The following KIAA0232 variants were observed in gnomAD, a reference collection of about 807,000 sequenced individuals.
KIAA0232 encodes the protein KIAA0232, also known as uncharacterized protein KIAA0232.
Under a neutral mutation model 122.0 loss-of-function variants are expected in KIAA0232, and 27 were observed. That is an observed-to-expected ratio of 0.22 (90% CI 0.16 to 0.31). The LOEUF (loss-of-function observed/expected upper bound fraction) is 0.31, where lower values mean the gene tolerates loss of function less well. Ranked by LOEUF, KIAA0232 falls within the 10% of genes least tolerant of loss-of-function variation. The probability of loss-of-function intolerance (pLI) is 1.00; values close to 1 mark genes in which losing one functional copy is unlikely to be tolerated. For synonymous variants in KIAA0232, 613 were observed against 587.6 expected, an observed-to-expected ratio of 1.04 and a Z score of -0.63; for missense variants, 1,551 against 1,634.2, an observed-to-expected ratio of 0.95 and a Z score of 0.88.
intron 1 of KIAA0232, among the ~76,000 whole-genome samples, chr4:6,785,723 C>T (rs1047846170): frequency 7.2e-5 from 11 of 152,298 alleles, no homozygotes; most frequent in South Asian, 2.1e-4. Context: ...TCTAAGACTG[C>T]CTGTGGTTTG....
In KIAA0232 at chr4:6,842,105, T is replaced by G; in HGVS notation, c.270T>G (p.Tyr90Ter). ...TCCTGGGCTGGGAAAAAGGAGCTTATAAGAAATGGGGAAAGAGTAAGAAAA... is the reference window on the plus strand; with the variant it reads ...TCCTGGGCTGGGAAAAAGGAGCTTAGAAGAAATGGGGAAAGAGTAAGAAAA... ...DIFLGWEKGA[Y>*]KKWGKSKKKC... Residue 90 changes from tyrosine to a stop codon, truncating the protein, a stop_gained, in exon 4 of 10, where the codon TAT (tyrosine) becomes TAG (stop). Transcript: ENST00000307659. LOFTEE classifies it high-confidence loss of function. The G allele has an allele frequency of 6.2e-7, 1 of 1,613,478 alleles. No homozygotes were observed.
chr4:6,846,061 A>G (rs1442075623), intron 4 of KIAA0232, among the ~76,000 whole-genome samples: 1 of 151,346 alleles, frequency 6.6e-6, no homozygotes, highest in East Asian at 1.9e-4. Context: ...CCAGTAAAGC[A>G]TATTTGTACT....
intron 4 of KIAA0232, among the ~76,000 whole-genome samples, chr4:6,849,744 G>A (rs1159470148): frequency 5.9e-5 from 9 of 151,612 alleles, no homozygotes; most frequent in African/African-American, 2.2e-4. Context: ...TCCAGCCCAG[G>A]TGACAGAGCG....
intron 2 of KIAA0232, among the ~76,000 whole-genome samples, chr4:6,823,743 T>C (rs1054595447): frequency 6.6e-6 from 1 of 151,700 alleles, no homozygotes; most frequent in Non-Finnish European, 1.5e-5. Flanking sequence ...AAAAAATTGG[T>C]ATAATTGAGC....
At chr4:6,787,612 A>G (rs1577350254) in intron 1 of KIAA0232, among the ~76,000 whole-genome samples, 1 of 152,268 alleles carries the variant, frequency 6.6e-6, no homozygotes, top group East Asian at 1.9e-4. Context: ...TGCCTCCATG[A>G]GTCTTTTCCA....
intron 5 of KIAA0232, 38 bp downstream of exon 5, chr4:6,857,268 T>C: frequency 6.5e-7 from 1 of 1,544,908 alleles, no homozygotes; most frequent in Non-Finnish European, 8.8e-7. Context: ...ATGCCAGGAT[T>C]ACATCCCTGA....
intron 2 of KIAA0232, among the ~76,000 whole-genome samples, chr4:6,818,394 C>G (rs190051748): frequency 1.1e-3 from 140 of 132,888 alleles, no homozygotes; most frequent in African/African-American, 3.4e-3. Context: ...AGCAAGACTC[C>G]GTCTCAAAAA....
At chr4:6,856,258 G>A (rs1205460940) in intron 4 of KIAA0232, among the ~76,000 whole-genome samples, 7 of 152,240 alleles carry the variant, frequency 4.6e-5, no homozygotes, top group Non-Finnish European at 8.8e-5. Flanking sequence ...TCTCCATCAC[G>A]CGCATCTGTT....
chr4:6,854,120 A>ATT (rs1411542456), intron 4 of KIAA0232, among the ~76,000 whole-genome samples: 1 of 152,344 alleles, frequency 6.6e-6, no homozygotes, highest in Non-Finnish European at 1.5e-5. Flanking sequence ...AATTAAAGAC[A>ATT]TTTTTGAAGT....
intron 2 of KIAA0232, 67 bp downstream of exon 2, chr4:6,804,673 T>A (rs1717535718): frequency 6.6e-6 from 1 of 152,202 alleles, no homozygotes. Context: ...TAAAAGGGAA[T>A]ACTAATTGAT....
At chr4:6,818,155 C>G (rs1206314205) in intron 2 of KIAA0232, among the ~76,000 whole-genome samples, 4 of 152,110 alleles carry the variant, frequency 2.6e-5, no homozygotes, top group African/African-American at 9.7e-5. Context: ...GTAATTGTAG[C>G]ACTTTGGGAG....
intron 1 of KIAA0232, among the ~76,000 whole-genome samples, chr4:6,784,232 G>T (rs563669023): frequency 2.0e-5 from 3 of 152,122 alleles, no homozygotes; most frequent in African/African-American, 7.2e-5. Flanking sequence ...TTCCTAAGAA[G>T]GGATTTTACA....
At position 6,864,065 on chromosome 4, in the gene KIAA0232, C is replaced by A. The variant is rs999199434; in HGVS notation, c.3683C>A (p.Ala1228Glu). 6.2e-7 allele frequency: 1 copy of A among 1,614,000 alleles called. No individual in the cohort carries two copies. The highest frequency in any genetic ancestry group is 1.3e-5 in the African/African-American group (1 of 74,894). ...SLEIDLESSEANCKIMAQCEE... is the reference protein window; with the variant it reads ...SLEIDLESSEENCKIMAQCEE... Reference sequence around the variant, plus strand: ...GAAATAGATTTAGAAAGCTCAGAAGCAAATTGTAAAATAATGGCACAATGC... The same window carrying A: ...GAAATAGATTTAGAAAGCTCAGAAGAAAATTGTAAAATAATGGCACAATGC... Residue 1228 changes from alanine to glutamate, a missense_variant, in exon 7 of 10, where the codon GCA (alanine) becomes GAA (glutamate). Around this residue, in one of 5 missense-constraint regions of KIAA0232, gnomAD observed 1,108 missense variants for 1,154.8 expected, o/e 0.96. Transcript: ENST00000307659.
At chr4:6,810,423 C>A (rs573096950) in intron 2 of KIAA0232, among the ~76,000 whole-genome samples, 75 of 152,208 alleles carry the variant, frequency 4.9e-4, no homozygotes, top group African/African-American at 1.7e-3. Flanking sequence ...TACAAAAAAT[C>A]AACTCAAGAT....
chr4:6,848,986 C>T (rs989808997), intron 4 of KIAA0232, among the ~76,000 whole-genome samples: 5 of 152,188 alleles, frequency 3.3e-5, no homozygotes, highest in Non-Finnish European at 5.9e-5. Context: ...TGAGGACACA[C>T]GGGCCATGCT....
rs368487859 is a variant in KIAA0232, at chr4:6,863,286, G to A, written c.2904G>A (p.Thr968=). The change falls in exon 7 of 10, where the codon ACG becomes ACA. Residue 968 remains threonine, a synonymous_variant. Coordinates refer to ENST00000307659, the MANE Select transcript of KIAA0232 (RefSeq NM_014743.3). ...LLQCAASDVV[T]IAGTDVFMTP... Reference sequence around the variant, plus strand: ...AGTGTGCAGCTTCTGATGTTGTGACGATAGCTGGTACAGATGTCTTTATGA... The same window carrying A: ...AGTGTGCAGCTTCTGATGTTGTGACAATAGCTGGTACAGATGTCTTTATGA... 1.9e-5 allele frequency: 31 copies of A among 1,614,038 alleles called. No homozygotes were observed. Among genetic ancestry groups the A allele is most frequent in the Admixed American group, 8.3e-5 (5 of 60,010 alleles).
intron 7 of KIAA0232, among the ~76,000 whole-genome samples, chr4:6,865,724 T>G (rs187955273): frequency 2.0e-5 from 3 of 152,156 alleles, no homozygotes; most frequent in Non-Finnish European, 4.4e-5. Context: ...CACATCCAAA[T>G]CCTACCCATA....
chr4:6,870,497 C>T (rs1721416813), intron 7 of KIAA0232, among the ~76,000 whole-genome samples: 1 of 152,252 alleles, frequency 6.6e-6, no homozygotes, highest in Admixed American at 6.5e-5. Flanking sequence ...AGGTCAATAA[C>T]TGTGCCTATA....
At chr4:6,794,041 G>A (rs997788160) in intron 1 of KIAA0232, among the ~76,000 whole-genome samples, 1 of 152,230 alleles carries the variant, frequency 6.6e-6, no homozygotes, top group Admixed American at 6.5e-5. Flanking sequence ...TGCCAGGATG[G>A]ATTAGACATC....
Sources: allele counts gnomAD v4.1 joint callset (sites outside exome capture counted in the v4.1 genomes callset), GRCh38; gene constraint gnomAD v4.1.1; regional missense constraint gnomAD v4.1.1; transcripts MANE v1.5; gene names NCBI Gene and HGNC (gene_info 2026-07-23, HGNC 2026-07-21).